The following IL1A variants were observed in gnomAD, a reference collection of about 807,000 sequenced individuals.
IL1A encodes interleukin-1 alpha.
IL1A carries 16 observed loss-of-function variants against 22.2 expected under a neutral mutation model. The observed-to-expected ratio is 0.72, with a 90% CI of 0.49 to 1.09. The LOEUF (loss-of-function observed/expected upper bound fraction) is 1.09, where lower values mean the gene tolerates loss of function less well. Among genes scored for constraint, IL1A ranks in the 50% least tolerant of loss-of-function variants. IL1A has a pLI of 0.00. For missense variants in IL1A, 317 were observed against 321.8 expected, an observed-to-expected ratio of 0.99 and a Z score of 0.11; for synonymous variants, 113 against 118.5, an observed-to-expected ratio of 0.95 and a Z score of 0.30.
Position 112,774,860 on chromosome 2 carries a change from C to T in IL1A, c.*207G>A. The T allele has an allele frequency of 1.9e-6, 1 of 530,778 alleles. No homozygotes were observed. The highest frequency in any genetic ancestry group is 2.4e-5 in the South Asian group (1 of 42,036). The allele number at this position is 530,778 out of a possible 1,614,324, so 32.9% of individuals were successfully genotyped here. ...AGAATAATAATTAAAATGATTGGTA[C>T]TATGCAAAATATAGGGTGTTCTTTA... On this transcript the variant is annotated 3_prime_UTR_variant, in exon 7 of 7. Transcript: ENST00000263339.
At chr2:112,778,384 G>T (rs1409955641) in intron 5 of IL1A, among the ~76,000 whole-genome samples, 1 of 152,058 alleles carries the variant, frequency 6.6e-6, no homozygotes, top group Non-Finnish European at 1.5e-5. Context: ...GAATCCTTCG[G>T]GGCTGAATAA....
In IL1A at chr2:112,777,664, A is replaced by G. The variant is rs568014292; in HGVS notation, c.615+323T>C. Reference sequence around the variant, plus strand: ...TCTTGGAGGCAGGCCACATTGTCCTAATGTCTAGTATTGTGTAGGTCAGAT... The same window carrying G: ...TCTTGGAGGCAGGCCACATTGTCCTGATGTCTAGTATTGTGTAGGTCAGAT... On this transcript the variant is annotated intron_variant, in intron 6 of 6. Transcript: ENST00000263339. 2.1e-4 allele frequency among the ~76,000 whole-genome samples: 32 copies of G among 152,298 alleles called. No homozygotes were observed. The South Asian group carries it at 3.7e-3, about 18-fold the overall frequency.
intron 3 of IL1A, among the ~76,000 whole-genome samples, 165 bp downstream of exon 3, chr2:112,782,551 G>A (rs1681230284): frequency 1.3e-5 from 2 of 152,246 alleles, no homozygotes; most frequent in Non-Finnish European, 2.9e-5. Flanking sequence ...TCAACTATTA[G>A]TTTAGAGAGG....
intron 6 of IL1A, among the ~76,000 whole-genome samples, chr2:112,775,736 C>G (rs1192153673): frequency 2.6e-5 from 4 of 151,974 alleles, no homozygotes; most frequent in African/African-American, 9.7e-5. Flanking sequence ...TTTAAGTCAA[C>G]AATTGAAGGT....
rs1681158823 is a variant in IL1A at position 112,779,521 on chromosome 2, A to G, written c.465T>C (p.Ala155=). ...IRANDQYLTA[A]ALHNLDEAVK... ...CTGCTTCATCCAGATTATGTAATGCAGCAGCCGTGAGGTACTGATCATTGG... is the reference window on the plus strand; with the variant it reads ...CTGCTTCATCCAGATTATGTAATGCGGCAGCCGTGAGGTACTGATCATTGG... Residue 155 remains alanine, a synonymous_variant, in exon 5 of 7, where the codon GCT becomes GCC. Transcript: ENST00000263339. 1 of 1,598,010 alleles carries G rather than the reference A, an allele frequency of 6.3e-7. No homozygotes were observed. Among genetic ancestry groups the G allele is most frequent in the Admixed American group, 1.7e-5 (1 of 59,780 alleles).
At chr2:112,783,640 A>T in intron 2 of IL1A, 84 bp downstream of exon 2, 1 of 1,150,866 alleles carries the variant, frequency 8.7e-7, no homozygotes. Context: ...GCCTGCCCCC[A>T]TGCTGGCCAC....
At chr2:112,779,766 T>C in intron 4 of IL1A, 100 bp from the exon 5 acceptor site, 1 of 755,812 alleles carries the variant, frequency 1.3e-6, no homozygotes, top group Non-Finnish European at 2.0e-6. Flanking sequence ...GAGGGGATAT[T>C]AGGAATATTC....
chr2:112,776,395 G>A (rs1681101386), intron 6 of IL1A, among the ~76,000 whole-genome samples: 1 of 151,966 alleles, frequency 6.6e-6, no homozygotes, highest in Admixed American at 6.6e-5. Context: ...TCTTGAAGTT[G>A]TAGGCCTGGG....
At position 112,775,117 on chromosome 2, in the gene IL1A, C is replaced by T. The variant is rs1486628255; in HGVS notation, c.766G>A (p.Gly256Arg). The T allele has an allele frequency of 6.2e-7, 1 of 1,614,172 alleles. No homozygotes were observed. The highest frequency in any genetic ancestry group is 2.2e-5 in the East Asian group (1 of 44,886). ...AAGTCAGTGATAGAGGGTGGCCCCC[C>T]TGCCAAGCACACCCAGTAGTCTTGC... The part of the protein sequence containing the change: ...TKQDYWVCLA[G>R]GPPSITDFQI... The change falls in exon 7 of 7, where the codon GGG becomes AGG. Residue 256 changes from glycine (G) to arginine (R), a missense_variant. By Grantham distance (125) the Gly-to-Arg change is moderately radical. Transcript: ENST00000263339.
intron 4 of IL1A, 72 bp from the exon 5 acceptor site, chr2:112,779,738 AC>A: frequency 4.5e-6 from 5 of 1,109,116 alleles, no homozygotes; most frequent in Non-Finnish European, 6.3e-6. Context: ...TCTAGTACAA[AC>A]AGGGAAAATA....
In IL1A at chr2:112,778,018, G is replaced by A. The variant is rs1432825571; in HGVS notation, c.584C>T (p.Ala195Val). The A allele has an allele frequency of 1.2e-6, 2 of 1,614,042 alleles. No individual in the cohort carries two copies. Among genetic ancestry groups the A allele is most frequent in the Non-Finnish European group, 1.7e-6 (2 of 1,180,016 alleles). The change falls in exon 6 of 7, where the codon GCC becomes GTC. Residue 195 changes from alanine to valine, a missense_variant. Coordinates refer to ENST00000263339, the MANE Select transcript of IL1A (RefSeq NM_000575.5). The part of the protein sequence containing the change: ...RISKTQLYVT[A>V]QDEDQPVLLK... The stretch of plus-strand genomic sequence containing the variant: ...CAGCACTGGTTGGTCTTCATCTTGG[G>A]CAGTCACATACAATTGAGTTTTTGA...
chr2:112,781,792 T>C lies in IL1A; in HGVS notation c.131A>G (p.His44Arg), dbSNP rs1681210292. ...CACAGATTGATCCATGCAGCCTTCA[T>C]GGAGTGGGCCATAGCTTACATGATA... ...SFYHVSYGPLHEGCMDQSVSL... is the reference protein window; with the variant it reads ...SFYHVSYGPLREGCMDQSVSL... The change falls in exon 4 of 7, where the codon CAT (histidine) becomes CGT (arginine). Residue 44 changes from histidine (H) to arginine (R), a missense_variant. His to Arg is a conservative substitution (Grantham distance 29). Coordinates refer to ENST00000263339, the MANE Select transcript of IL1A (RefSeq NM_000575.5). 2 of 1,614,084 alleles carry C rather than the reference T, an allele frequency of 1.2e-6. No individual in the cohort carries two copies. The highest frequency in any genetic ancestry group is 2.7e-5 in the African/African-American group (2 of 75,038).
chr2:112,778,214 G>A, intron 5 of IL1A, 103 bp from the exon 6 acceptor site: 4 of 906,426 alleles, frequency 4.4e-6, no homozygotes, highest in South Asian at 1.6e-5. Flanking sequence ...GTGTGTGTGT[G>A]TGTGTGTGTG....
Position 112,781,656 on chromosome 2 carries a change from G to C in IL1A, c.267C>G (p.Ser89Arg), listed in dbSNP as rs1681203882. 1.9e-6 allele frequency: 3 copies of C among 1,614,030 alleles called. No homozygotes were observed. Among genetic ancestry groups the C allele is most frequent in the Admixed American group, 1.7e-5 (1 of 60,004 alleles). The change falls in exon 4 of 7, where the codon AGC (serine) becomes AGG (arginine). Residue 89 changes from serine (S) to arginine (R), a missense_variant. Physicochemically the swap from Ser to Arg is moderately radical, Grantham distance 110. Coordinates refer to ENST00000263339, the MANE Select transcript of IL1A (RefSeq NM_000575.5). ...KVLKKRRLSL[S>R]QSITDDDLEA... ...CCAGGTCATCATCAGTGATGGATTG[G>C]CTTAAACTCAACCGTCTCTTCTTCA...
chr2:112,782,707 T>TTTGC lies in IL1A; in HGVS notation c.96+5_96+8dup. On this transcript the variant is annotated intron_variant, in intron 3 of 6. Coordinates refer to ENST00000263339, the MANE Select transcript of IL1A (RefSeq NM_000575.5). ...AGCAGTCCCATGAGAATTACAGTCATTTGCTTACCTGATTCAGAGACAGAT... is the reference window on the plus strand; with the variant it reads ...AGCAGTCCCATGAGAATTACAGTCATTTGCTTGCTTACCTGATTCAGAGACAGAT... The TTTGC allele has an allele frequency of 6.3e-7, 1 of 1,592,428 alleles. No homozygotes were observed. The highest frequency in any genetic ancestry group is 8.6e-7 in the Non-Finnish European group (1 of 1,160,566).
rs1211537877 is a variant in IL1A, at chr2:112,775,173, A to G, written c.710T>C (p.Val237Ala). Residue 237 changes from valine (V) to alanine (A), a missense_variant, in exon 7 of 7, where the codon GTT becomes GCT. Val to Ala is a moderately conservative substitution (Grantham distance 64). Transcript: ENST00000263339. ...GGCAATAAACAAGTTTGGATGGGCAACTGATGTGAAATAGTTCTTAGTGCC... is the reference window on the plus strand; with the variant it reads ...GGCAATAAACAAGTTTGGATGGGCAGCTGATGTGAAATAGTTCTTAGTGCC... The part of the protein sequence containing the change: ...THGTKNYFTS[V>A]AHPNLFIATK... 2 of 1,614,216 alleles carry G rather than the reference A, an allele frequency of 1.2e-6. No individual in the cohort carries two copies. The highest frequency in any genetic ancestry group is 2.7e-5 in the African/African-American group (2 of 75,064).
intron 5 of IL1A, among the ~76,000 whole-genome samples, chr2:112,778,722 T>TTGTCTAGTGATATTAAAA (rs1476496809): frequency 6.6e-6 from 1 of 152,204 alleles, no homozygotes. Flanking sequence ...CCTGATTGAA[T>TTGTCTAGTGATATTAAAA]TGTCTAGTGA....
At chr2:112,777,024 T>A (rs1681108934) in intron 6 of IL1A, among the ~76,000 whole-genome samples, 1 of 149,478 alleles carries the variant, frequency 6.7e-6, no homozygotes, top group South Asian at 2.1e-4. Context: ...TGTCGGCAGC[T>A]CTCATCTCAC....
intron 3 of IL1A, 118 bp downstream of exon 3, chr2:112,782,598 G>A (rs547190176): frequency 1.4e-6 from 1 of 713,160 alleles, no homozygotes; most frequent in African/African-American, 1.8e-5. Flanking sequence ...CAGGTCTCTG[G>A]ACCTCTAGTG....
Sources: allele counts gnomAD v4.1 joint callset (sites outside exome capture counted in the v4.1 genomes callset), GRCh38; gene constraint gnomAD v4.1.1; transcripts MANE v1.5; gene names NCBI Gene and HGNC (gene_info 2026-07-23, HGNC 2026-07-21).